Variants in DNAH3 observed in about 807,000 individuals in gnomAD.
DNAH3 encodes axonemal beta dynein heavy chain 3.
DNAH3 carries 332 observed loss-of-function variants against 432.5 expected under a neutral mutation model. The ratio of observed to expected loss-of-function variants is 0.77; its 90% CI spans 0.70 to 0.84. The LOEUF (loss-of-function observed/expected upper bound fraction) is 0.84. Ranked by LOEUF, DNAH3 falls within the 40% of genes least tolerant of loss-of-function variation. DNAH3 has a pLI of 0.00. For synonymous variants in DNAH3, 1,956 were observed against 1,900.2 expected, an observed-to-expected ratio of 1.03 and a Z score of -0.76; for missense variants, 4,861 against 5,114.0, an observed-to-expected ratio of 0.95 and a Z score of 1.51.
chr16:21,098,191 C>T (rs1409603374), intron 17 of DNAH3, among the ~76,000 whole-genome samples: 1 of 151,896 alleles, frequency 6.6e-6, no homozygotes, highest in Non-Finnish European at 1.5e-5. Context: ...GCCTGTAATC[C>T]CAGCACTTTG....
At chr16:21,107,441 T>C (rs141412125) in intron 14 of DNAH3, among the ~76,000 whole-genome samples, 217 of 152,160 alleles carry the variant, frequency 1.4e-3, no homozygotes, top group African/African-American at 5.1e-3. Context: ...GGTTTTGCCA[T>C]GTTGGCCAGG....
chr16:21,005,265 CCCTT>C (rs2087232386), intron 41 of DNAH3, among the ~76,000 whole-genome samples: 1 of 145,114 alleles, frequency 6.9e-6, no homozygotes, highest in African/African-American at 2.6e-5. Flanking sequence ...TTCCTTCCCT[CCCTT>C]CTTTCTTTCT....
chr16:21,012,309 CA>C (rs563812309), intron 41 of DNAH3, among the ~76,000 whole-genome samples: 58 of 152,070 alleles, frequency 3.8e-4, no homozygotes, highest in African/African-American at 1.2e-3. Flanking sequence ...GCAAAATAAA[CA>C]AAAGAGGACA....
chr16:21,057,990 G>A lies in DNAH3; in HGVS notation c.3924+96C>T, dbSNP rs1567714625. On this transcript the variant is annotated intron_variant, in intron 27 of 61. Transcript: ENST00000261383. ...GTGATGCTGAGACCAAATGATTTTT[G>A]TTTAGACAACAAAACATGGCTACTC... 4 of 799,750 alleles carry A rather than the reference G, an allele frequency of 5.0e-6. No individual in the cohort carries two copies. The South Asian group carries it at 6.0e-5, about 12-fold the overall frequency. 49.5% of individuals were successfully genotyped at this position (799,750 alleles called of 1,614,324 possible). A position where few individuals can be genotyped will look rare whatever the true frequency, so the allele number is the denominator to read the frequency against.
intron 44 of DNAH3, among the ~76,000 whole-genome samples, chr16:20,989,807 C>T (rs1219410740): frequency 1.3e-5 from 2 of 152,242 alleles, no homozygotes; most frequent in East Asian, 3.8e-4. Context: ...AGCTAAGGCT[C>T]AGTGAGAAAT....
At chr16:20,963,671 T>C (rs1434866731) in exon 53 of DNAH3, 3 of 1,613,950 alleles carry the variant, frequency 1.9e-6, no homozygotes, top group Non-Finnish European at 2.5e-6. Flanking sequence ...GGGTAGGGGT[T>C]ATCCAGTGCG....
chr16:21,144,384 T>C (rs567089399), intron 3 of DNAH3, among the ~76,000 whole-genome samples: 117 of 152,312 alleles, frequency 7.7e-4, no homozygotes, highest in Middle Eastern at 6.8e-3. Context: ...TGTTGTGAGT[T>C]GTTCTAAGGG....
At chr16:20,981,680 G>T (rs539307617) in intron 49 of DNAH3, among the ~76,000 whole-genome samples, 2 of 151,916 alleles carry the variant, frequency 1.3e-5, no homozygotes, top group Non-Finnish European at 2.9e-5. Flanking sequence ...AGCCGAGATC[G>T]CACCACTGCA....
At chr16:20,979,269 C>T (rs2085741237) in intron 50 of DNAH3, 61 bp downstream of exon 50, 1 of 1,530,006 alleles carries the variant, frequency 6.5e-7, no homozygotes. Context: ...TGAACACATG[C>T]CTCGGCACAT....
Position 21,050,841 on chromosome 16 carries a change from T to C in DNAH3, c.4239-823A>G, listed in dbSNP as rs148426327. Among the ~76,000 whole-genome samples the C allele has an allele frequency of 2.4e-3, 363 of 152,272 alleles. 1 individual carries two copies. The highest frequency in any genetic ancestry group is 8.2e-3 in the African/African-American group (342 of 41,550). Reference sequence around the variant, plus strand: ...TGGCATGTAATAGGTGCAAGATAAATGTTAGAAATGAATGATGTAATAACT... The same window carrying C: ...TGGCATGTAATAGGTGCAAGATAAACGTTAGAAATGAATGATGTAATAACT... On this transcript the variant is annotated intron_variant, in intron 29 of 61. Transcript: ENST00000261383.
intron 20 of DNAH3, among the ~76,000 whole-genome samples, chr16:21,080,312 T>C (rs2091138196): frequency 6.6e-6 from 1 of 151,344 alleles, no homozygotes; most frequent in African/African-American, 2.4e-5. Flanking sequence ...TAAAATAAGA[T>C]AAAATAAAAT....
chr16:20,936,735 C>T, exon 60 of DNAH3: 1 of 1,611,738 alleles, frequency 6.2e-7, no homozygotes, highest in Middle Eastern at 1.7e-4. Context: ...GCCCACATGG[C>T]TGGCACTTTA....
At chr16:21,134,222 A>G in intron 7 of DNAH3, 37 bp downstream of exon 8, 1 of 1,589,672 alleles carries the variant, frequency 6.3e-7, no homozygotes, top group Non-Finnish European at 8.6e-7. Context: ...GATGTGGTCA[A>G]GAAAGGGAAT....
At chr16:21,070,471 C>T (rs994855127) in intron 22 of DNAH3, among the ~76,000 whole-genome samples, 1 of 152,016 alleles carries the variant, frequency 6.6e-6, no homozygotes, top group Non-Finnish European at 1.5e-5. Flanking sequence ...TCAGTAGAGA[C>T]GGAGTTTCAC....
At chr16:21,108,884 G>C (rs975701867) in intron 14 of DNAH3, among the ~76,000 whole-genome samples, 8 of 152,120 alleles carry the variant, frequency 5.3e-5, no homozygotes, top group African/African-American at 1.9e-4. Context: ...CACTTTGGGA[G>C]GCCAAGGCAG....
intron 42 of DNAH3, among the ~76,000 whole-genome samples, chr16:21,001,009 C>G (rs1232346009): frequency 1.3e-5 from 2 of 152,212 alleles, no homozygotes; most frequent in Non-Finnish European, 2.9e-5. Context: ...TCTACCTCCC[C>G]TATGCCATCA....
exon 62 of DNAH3, chr16:20,933,191 T>C (rs763571940): frequency 6.8e-6 from 11 of 1,614,062 alleles, no homozygotes; most frequent in Non-Finnish European, 9.3e-6. Context: ...CACCCCTCGG[T>C]TTATCCAGTG....
chr16:21,078,399 G>A (rs544314639), intron 20 of DNAH3, among the ~76,000 whole-genome samples: 1 of 152,230 alleles, frequency 6.6e-6, no homozygotes, highest in African/African-American at 2.4e-5. Flanking sequence ...AAGATTAGGA[G>A]CAGAAAATTA....
chr16:21,126,176 AAAC>A (rs2092442444), intron 8 of DNAH3, among the ~76,000 whole-genome samples: 1 of 137,582 alleles, frequency 7.3e-6, no homozygotes, highest in African/African-American at 2.8e-5. Flanking sequence ...TCAAACAAAC[AAAC>A]AACAACAAAC....
Sources: allele counts gnomAD v4.1 joint callset (sites outside exome capture counted in the v4.1 genomes callset), GRCh38; gene constraint gnomAD v4.1.1; transcripts MANE v1.5; gene names NCBI Gene and HGNC (gene_info 2026-07-23, HGNC 2026-07-21).